VPS50: variants seen among roughly 807,000 people sequenced by gnomAD.
The protein encoded by VPS50 is VPS50 subunit of EARP/GARPII complex.
VPS50 carries 70 observed loss-of-function variants against 139.7 expected under a neutral mutation model. The ratio of observed to expected loss-of-function variants is 0.50; its 90% CI spans 0.41 to 0.61. VPS50 has a LOEUF of 0.61. Among genes scored for constraint, VPS50 ranks in the 20% least tolerant of loss-of-function variants. VPS50 has a pLI of 0.00. For missense variants in VPS50, 921 were observed against 1,133.7 expected (o/e 0.81, Z 2.69); for synonymous variants, 365 against 376.7 (o/e 0.97, Z 0.36).
chr7:93,344,496 A>G (rs1798328660), intron 23 of VPS50, among the ~76,000 whole-genome samples: 1 of 152,250 alleles, frequency 6.6e-6, no homozygotes, highest in African/African-American at 2.4e-5. Flanking sequence ...AGACATCTAC[A>G]GAACTCTCCA....
chr7:93,239,468 T>A (rs967836977), intron 1 of VPS50, among the ~76,000 whole-genome samples: 1 of 152,212 alleles, frequency 6.6e-6, no homozygotes, highest in Non-Finnish European at 1.5e-5. Context: ...TAGTATATTG[T>A]ATCTGTGAAT....
chr7:93,257,560 A>G, intron 6 of VPS50, 96 bp downstream of exon 6: 1 of 686,548 alleles, frequency 1.5e-6, no homozygotes, highest in South Asian at 2.0e-5. Context: ...TAAATTATGG[A>G]TGTGGTTTCT....
chr7:93,278,507 G>T (rs2116901583), intron 12 of VPS50, among the ~76,000 whole-genome samples: 1 of 146,088 alleles, frequency 6.8e-6, no homozygotes, highest in East Asian at 2.1e-4. Context: ...TGAAGCAGGA[G>T]AATTGCTTGA....
At chr7:93,259,492 C>T in intron 8 of VPS50, 58 bp from the exon 9 acceptor site, 2 of 856,110 alleles carry the variant, frequency 2.3e-6, no homozygotes, top group South Asian at 1.5e-5. Context: ...TTTTTTTTAT[C>T]AGGGGCTTTA....
At chr7:93,303,666 G>A (rs1321258198) in intron 17 of VPS50, 116 bp downstream of exon 17, 2 of 473,792 alleles carry the variant, frequency 4.2e-6, no homozygotes, top group East Asian at 3.3e-5. Flanking sequence ...TTAAGGAGCA[G>A]TTTCTTATCT....
intron 19 of VPS50, among the ~76,000 whole-genome samples, chr7:93,310,074 C>T (rs551658409): frequency 2.0e-4 from 30 of 151,964 alleles, no homozygotes; most frequent in African/African-American, 7.2e-4. Context: ...CTGAATAGAA[C>T]TATTTTGTTG....
chr7:93,271,401 A>AT, intron 10 of VPS50, 139 bp downstream of exon 10: 1 of 1,297,920 alleles, frequency 7.7e-7, no homozygotes, highest in Non-Finnish European at 9.9e-7. Flanking sequence ...TTCATTTGGA[A>AT]TATCTATTTA....
At chr7:93,238,550 TAA>T (rs935668925) in intron 1 of VPS50, among the ~76,000 whole-genome samples, 1 of 152,210 alleles carries the variant, frequency 6.6e-6, no homozygotes, top group Admixed American at 6.5e-5. Flanking sequence ...ATTTAAAATT[TAA>T]AACTTTACTA....
At chr7:93,313,548 A>T (rs932513041) in intron 20 of VPS50, among the ~76,000 whole-genome samples, 2 of 152,214 alleles carry the variant, frequency 1.3e-5, no homozygotes, top group African/African-American at 2.4e-5. Flanking sequence ...CTTGGTAGGC[A>T]TAAGGGAATT....
chr7:93,342,147 A>G (rs1256838158), intron 23 of VPS50, among the ~76,000 whole-genome samples: 1 of 152,194 alleles, frequency 6.6e-6, no homozygotes, highest in Non-Finnish European at 1.5e-5. Flanking sequence ...AAGCAGGGCG[A>G]GGCATTGCCT....
chr7:93,351,926 C>T (rs1284352104), intron 25 of VPS50, among the ~76,000 whole-genome samples: 2 of 152,114 alleles, frequency 1.3e-5, no homozygotes, highest in Admixed American at 6.6e-5. Flanking sequence ...AACCTGAGCC[C>T]AATTTTTAGC....
chr7:93,297,872 A>G (rs1443185196), intron 16 of VPS50, among the ~76,000 whole-genome samples: 1 of 152,190 alleles, frequency 6.6e-6, no homozygotes, highest in East Asian at 1.9e-4. Flanking sequence ...TTCTCTTGAT[A>G]TAAGCTAGAC....
At chr7:93,307,637 C>G (rs2116979881) in intron 18 of VPS50, among the ~76,000 whole-genome samples, 1 of 151,968 alleles carries the variant, frequency 6.6e-6, no homozygotes, top group South Asian at 2.1e-4. Context: ...ACATTGAATC[C>G]TCAAATAATG....
chr7:93,284,807 G>T lies in VPS50; in HGVS notation c.943-6896G>T, dbSNP rs146743474. 2.1e-3 allele frequency among the ~76,000 whole-genome samples: 315 copies of T among 152,290 alleles called. 1 individual carries two copies. Among genetic ancestry groups the T allele is most frequent in the African/African-American group, 7.1e-3 (297 of 41,556 alleles). On this transcript the variant is annotated intron_variant, in intron 12 of 27. Coordinates refer to ENST00000305866, the MANE Select transcript of VPS50 (RefSeq NM_017667.4). ...ATGATCAAGTAAGTGACAAAGTTGG[G>T]CTCCAAGCCCAAACATGTTTCATCT... is the stretch of plus-strand genomic sequence containing the variant.
chr7:93,232,536 TC>T, intron 1 of VPS50, 36 bp downstream of exon 1: 1 of 1,590,722 alleles, frequency 6.3e-7, no homozygotes, highest in Non-Finnish European at 8.6e-7. Context: ...GCTTCCTTCA[TC>T]TCGGAAGTGA....
At chr7:93,300,773 A>T (rs1354799551) in intron 16 of VPS50, among the ~76,000 whole-genome samples, 1 of 151,744 alleles carries the variant, frequency 6.6e-6, no homozygotes, top group African/African-American at 2.4e-5. Context: ...GCTGTTGTTG[A>T]TGTTGTTTTA....
intron 20 of VPS50, among the ~76,000 whole-genome samples, chr7:93,317,097 A>C (rs910361338): frequency 5.9e-5 from 9 of 152,204 alleles, no homozygotes; most frequent in African/African-American, 2.2e-4. Context: ...GCAGGAGGAA[A>C]ATTAGGAGGT....
intron 21 of VPS50, among the ~76,000 whole-genome samples, chr7:93,327,030 CT>C: frequency 6.6e-6 from 1 of 152,124 alleles, no homozygotes; most frequent in Admixed American, 6.6e-5. Flanking sequence ...TGGAAACTCA[CT>C]AAATAAATAT....
At chr7:93,345,391 A>C (rs1798361179) in intron 23 of VPS50, among the ~76,000 whole-genome samples, 1 of 152,210 alleles carries the variant, frequency 6.6e-6, no homozygotes, top group African/African-American at 2.4e-5. Flanking sequence ...GCCAAATTCT[A>C]CCAGAGGTAC....
Sources: gnomAD v4.1 joint callset for allele counts (sites outside exome capture counted in the v4.1 genomes callset) on GRCh38, gnomAD v4.1.1 for gene constraint, MANE v1.5 for transcripts, NCBI Gene and HGNC (gene_info 2026-07-23, HGNC 2026-07-21) for gene names.